POLR3G: variants seen among roughly 807,000 people sequenced by gnomAD.
The protein encoded by POLR3G is RNA polymerase III subunit G.
In POLR3G, 28 loss-of-function variants were observed where a neutral mutation model predicts 30.1. The ratio of observed to expected loss-of-function variants is 0.93; its 90% CI spans 0.69 to 1.27. The LOEUF is 1.27. Ranked by LOEUF, POLR3G falls within the 50% of genes most tolerant of loss-of-function variation. POLR3G has a pLI of 0.00. For missense variants in POLR3G, 254 were observed against 264.6 expected, an observed-to-expected ratio of 0.96 and a Z score of 0.28; for synonymous variants, 79 against 82.5, an observed-to-expected ratio of 0.96 and a Z score of 0.23.
chr5:90,492,860 CAAAAAAA>C (rs59127797), intron 3 of POLR3G, among the ~76,000 whole-genome samples: 1 of 128,270 alleles, frequency 7.8e-6, no homozygotes, highest in Non-Finnish European at 1.7e-5. Context: ...GACTCCGCCT[CAAAAAAA>C]AAAAAAAAAA....
chr5:90,511,045 A>C (rs1044272363), intron 7 of POLR3G, among the ~76,000 whole-genome samples: 2 of 152,142 alleles, frequency 1.3e-5, no homozygotes, highest in Admixed American at 1.3e-4. Flanking sequence ...CCATGGTCTT[A>C]TCACTCAGCT....
intron 6 of POLR3G, among the ~76,000 whole-genome samples, chr5:90,502,625 C>T (rs1158793126): frequency 6.6e-6 from 1 of 152,070 alleles, no homozygotes; most frequent in Non-Finnish European, 1.5e-5. Context: ...CTATAGACAA[C>T]CAATGTTACT....
At chr5:90,474,548 G>T (rs1427971565), upstream of POLR3G, 3 of 513,720 alleles carry the variant, frequency 5.8e-6, no homozygotes, top group East Asian at 7.1e-5. Flanking sequence ...CAGCACGGGG[G>T]CGCAGGAGCT....
chr5:90,474,875 C>G lies in POLR3G; in HGVS notation c.-189C>G, dbSNP rs1386443807. On this transcript the variant is annotated 5_prime_UTR_variant, in exon 1 of 8. Transcript: ENST00000651687. ...AGTTGGTAGGGCTCACTCCGCGGTC[C>G]TGGTGCCGCGTGCAGGTCGGTGCGC... 1.3e-5 allele frequency: 2 copies of G among 153,930 alleles called. No homozygotes were observed. The highest frequency in any genetic ancestry group is 2.4e-5 in the African/African-American group (1 of 41,466). The allele number at this position is 153,930 out of a possible 1,614,324, so 9.5% of individuals were successfully genotyped here.
intron 7 of POLR3G, among the ~76,000 whole-genome samples, chr5:90,510,147 A>C (rs760411242): frequency 2.2e-4 from 34 of 152,076 alleles, no homozygotes; most frequent in Non-Finnish European, 4.0e-4. Context: ...CTCTGTTGAC[A>C]ATGTCTGCTT....
rs759740165 is a variant in POLR3G, at chr5:90,488,025, T to A, written c.143T>A (p.Leu48Gln). ...FPDTDYKPVPLKTGEGEEYML... is the reference protein window; with the variant it reads ...FPDTDYKPVPQKTGEGEEYML... The stretch of plus-strand genomic sequence containing the variant: ...GATACAGATTATAAACCAGTGCCAC[T>A]GAAAACAGGAGAAGGTGAAGAATAT... The change falls in exon 3 of 8, where the codon CTG becomes CAG. Residue 48 changes from leucine (L) to glutamine (Q), a missense_variant. Physicochemically the swap from Leu to Gln is moderately radical, Grantham distance 113. Coordinates refer to ENST00000651687, the MANE Select transcript of POLR3G (RefSeq NM_006467.3). 6.2e-7 allele frequency: 1 copy of A among 1,606,204 alleles called. No individual in the cohort carries two copies. The highest frequency in any genetic ancestry group is 1.3e-5 in the African/African-American group (1 of 74,454).
At chr5:90,483,839 G>C (rs1751274354) in intron 1 of POLR3G, among the ~76,000 whole-genome samples, 1 of 152,096 alleles carries the variant, frequency 6.6e-6, no homozygotes, top group African/African-American at 2.4e-5. Context: ...TTAAAACTTG[G>C]ACTGCCACAT....
chr5:90,489,227 G>T (rs185523526), intron 3 of POLR3G, among the ~76,000 whole-genome samples: 1 of 150,206 alleles, frequency 6.7e-6, no homozygotes, highest in East Asian at 2.0e-4. Flanking sequence ...ATAATGGTTT[G>T]ATAAGAAATA....
intron 6 of POLR3G, among the ~76,000 whole-genome samples, chr5:90,506,029 G>C (rs147511303): frequency 6.6e-6 from 1 of 152,188 alleles, no homozygotes; most frequent in East Asian, 1.9e-4. Context: ...GAGACCAGCA[G>C]TTTGAGACCA....
At chr5:90,495,958 T>C (rs996832456) in intron 4 of POLR3G, among the ~76,000 whole-genome samples, 1 of 151,214 alleles carries the variant, frequency 6.6e-6, no homozygotes, top group Admixed American at 6.6e-5. Context: ...TATATATATA[T>C]GTATATTTTA....
chr5:90,487,945 G>A (rs1751529985), intron 2 of POLR3G, 55 bp from the exon 3 acceptor site: 4 of 1,385,560 alleles, frequency 2.9e-6, no homozygotes, highest in Non-Finnish European at 3.9e-6. Flanking sequence ...AGATAAAAGG[G>A]ATATTAAAAT....
intron 5 of POLR3G, 169 bp downstream of exon 5, chr5:90,497,875 G>A: frequency 1.3e-6 from 1 of 782,908 alleles, no homozygotes; most frequent in Non-Finnish European, 1.8e-6. Flanking sequence ...GGAGGCTGAG[G>A]TGGGAGGATC....
chr5:90,481,900 T>C (rs1013200129), intron 1 of POLR3G, among the ~76,000 whole-genome samples: 6 of 152,176 alleles, frequency 3.9e-5, no homozygotes, highest in African/African-American at 1.2e-4. Context: ...CTGAAGAGTT[T>C]AAAATAATCT....
chr5:90,508,392 T>C (rs1752590134), intron 7 of POLR3G, among the ~76,000 whole-genome samples: 1 of 151,946 alleles, frequency 6.6e-6, no homozygotes, highest in Non-Finnish European at 1.5e-5. Context: ...GGCCCTATCC[T>C]TTTTTGGAAC....
upstream of POLR3G, chr5:90,474,449 A>T: frequency 1.5e-6 from 1 of 663,176 alleles, no homozygotes; most frequent in Non-Finnish European, 2.6e-6. Flanking sequence ...GGGTCGGAAT[A>T]GGAGGAGGAA....
intron 6 of POLR3G, among the ~76,000 whole-genome samples, chr5:90,503,210 A>T (rs115430755): frequency 2.6e-5 from 4 of 152,262 alleles, no homozygotes; most frequent in Non-Finnish European, 5.9e-5. Context: ...CAACAAGGAG[A>T]GGTGGATATT....
intron 1 of POLR3G, among the ~76,000 whole-genome samples, chr5:90,478,918 T>A (rs1750983862): frequency 6.6e-6 from 1 of 152,038 alleles, no homozygotes; most frequent in African/African-American, 2.4e-5. Flanking sequence ...GAGCTTCTGA[T>A]TTTATTGTTC....
At chr5:90,483,826 G>C (rs1380207504) in intron 1 of POLR3G, among the ~76,000 whole-genome samples, 1 of 152,172 alleles carries the variant, frequency 6.6e-6, no homozygotes, top group East Asian at 1.9e-4. Context: ...CCTTGCAAAT[G>C]AATTAAAACT....
chr5:90,506,982 A>G (rs2151914763), intron 7 of POLR3G, among the ~76,000 whole-genome samples: 1 of 152,356 alleles, frequency 6.6e-6, no homozygotes, highest in South Asian at 2.1e-4. Flanking sequence ...TTAACAACAT[A>G]AAAATTTAAG....
Sources: allele counts gnomAD v4.1 joint callset (sites outside exome capture counted in the v4.1 genomes callset), GRCh38; gene constraint gnomAD v4.1.1; transcripts MANE v1.5; gene names NCBI Gene and HGNC (gene_info 2026-07-23, HGNC 2026-07-21).